Variants in STAP2 observed in about 807,000 individuals in gnomAD.
STAP2 encodes the protein signal-transducing adaptor protein 2.
Under a neutral mutation model 52.7 loss-of-function variants are expected in STAP2, and 58 were observed. The ratio of observed to expected loss-of-function variants is 1.10; its 90% confidence interval spans 0.89 to 1.37. The LOEUF is 1.37. Ranked by LOEUF, STAP2 falls within the 40% of genes most tolerant of loss-of-function variation. The pLI is 0.00. For missense variants in STAP2, 522 were observed against 519.4 expected (o/e 1.00, Z -0.05); for synonymous variants, 231 against 210.5 (o/e 1.10, Z -0.84).
In STAP2 at chr19:4,326,197, CAT is replaced by C. The variant is rs762101259; in HGVS notation, c.830-654_830-653del. Among the ~76,000 whole-genome samples the C allele has an allele frequency of 7.0e-4, 106 of 152,318 alleles. 1 individual carries two copies. Among genetic ancestry groups the C allele is most frequent in the Middle Eastern group, 3.4e-3 (1 of 294 alleles). On this transcript the variant is annotated intron_variant, in intron 9 of 12. Transcript: ENST00000594605. Reference sequence around the variant, plus strand: ...GGACGTATCTGCATTTATGTGTACACATGTGATTGTGGCATGACACAGGTGTA... The same window carrying C: ...GGACGTATCTGCATTTATGTGTACACGTGATTGTGGCATGACACAGGTGTA...
At chr19:4,332,783 T>C (rs1971914932) in intron 3 of STAP2, among the ~76,000 whole-genome samples, 1 of 152,020 alleles carries the variant, frequency 6.6e-6, no homozygotes, top group Non-Finnish European at 1.5e-5. Flanking sequence ...AGCTATGATC[T>C]CACTACTGCA....
rs963141858 is a variant in STAP2 at position 4,338,529 on chromosome 19, G to A, written c.102+123C>T. On this transcript the variant is annotated intron_variant, in intron 1 of 12. Transcript: ENST00000594605. ...AGAACCCACCCCAGTCCCCCAGCAC[G>A]TGTCCTGCCCCATCCAGCACCCACC... The A allele has an allele frequency of 2.5e-5, 22 of 877,474 alleles. No individual in the cohort carries two copies. The African/African-American group carries it at 2.7e-4, about 11-fold the overall frequency. 54.4% of individuals were successfully genotyped at this position (877,474 alleles called of 1,614,324 possible).
Position 4,333,760 on chromosome 19 carries a change from C to G in STAP2, c.231G>C (p.Trp77Cys), listed in dbSNP as rs368651139. 2 of 1,613,512 alleles carry G rather than the reference C, an allele frequency of 1.2e-6. No individual in the cohort carries two copies. Among genetic ancestry groups the G allele is most frequent in the African/African-American group, 1.3e-5 (1 of 74,916 alleles). Reference protein sequence around the residue: ...AFEKLTDEIPWGSSRDPGTHF... With the variant: ...AFEKLTDEIPCGSSRDPGTHF... The stretch of plus-strand genomic sequence containing the variant: ...GGGTGCCAGGGTCACGTGAGCTTCC[C>G]CAGGGAATCTCATCTGTGAGTTTCT... Residue 77 changes from tryptophan to cysteine, a missense_variant, in exon 3 of 13, where the codon TGG (tryptophan) becomes TGC (cysteine). By Grantham distance (215) the Trp-to-Cys change is radical (BLOSUM62 -2). Transcript: ENST00000594605.
chr19:4,328,432 TC>T (rs1971830550), intron 6 of STAP2, among the ~76,000 whole-genome samples: 1 of 54,484 alleles, frequency 1.8e-5, no homozygotes, highest in East Asian at 1.1e-3. Context: ...CTCTGACTCC[TC>T]CCCCAATCCG....
intron 6 of STAP2, among the ~76,000 whole-genome samples, chr19:4,327,670 C>T (rs1971817308): frequency 6.6e-6 from 1 of 152,104 alleles, no homozygotes; most frequent in Admixed American, 6.5e-5. Context: ...GGCACCACCT[C>T]CAGCGAGGGA....
chr19:4,329,135 T>A lies in STAP2; in HGVS notation c.456-326A>T, dbSNP rs578043262. 9.2e-5 allele frequency: 28 copies of A among 304,554 alleles called. No individual in the cohort carries two copies. In the South Asian group the frequency reaches 1.3e-3, roughly 14 times the overall value. 18.9% of individuals were successfully genotyped at this position (304,554 alleles called of 1,614,324 possible). The stretch of plus-strand genomic sequence containing the variant: ...CCTTCCTCACAGGCCCGGCTAATTT[T>A]TGTATTTTTAGTAGAGACGGGATTT... On this transcript the variant is annotated intron_variant, in intron 5 of 12. Transcript: ENST00000594605.
chr19:4,332,193 CTTCTTT>C, intron 3 of STAP2, 115 bp from the exon 4 acceptor site: 1 of 317,078 alleles, frequency 3.2e-6, no homozygotes, highest in South Asian at 5.4e-5. Flanking sequence ...TTTTCTTTTT[CTTCTTT>C]TTTTTTTTTT....
In STAP2 at chr19:4,324,067, G is replaced by C; in HGVS notation, c.*66C>G. 1 of 1,509,384 alleles carries C rather than the reference G, an allele frequency of 6.6e-7. No individual in the cohort carries two copies. The highest frequency in any genetic ancestry group is 9.0e-7 in the Non-Finnish European group (1 of 1,110,448). The allele number at this position is 1,509,384 out of a possible 1,614,324, so 93.5% of individuals were successfully genotyped here. ...GTCCTGGGGTCAGAGTTTTAATCCTGGGAAAAAGAATCTGGCCGCTGGGCC... is the reference window on the plus strand; with the variant it reads ...GTCCTGGGGTCAGAGTTTTAATCCTCGGAAAAAGAATCTGGCCGCTGGGCC... On this transcript the variant is annotated 3_prime_UTR_variant, in exon 13 of 13. Transcript: ENST00000594605.
At position 4,331,173 on chromosome 19, in the gene STAP2, T is replaced by A. The variant is rs548267038; in HGVS notation, c.354+849A>T. On this transcript the variant is annotated intron_variant, in intron 4 of 12. Transcript: ENST00000594605. ...AGTGAGACCCTGCTCTACAAAAAAA[T>A]TTTTAAATTAGTCAGATGTGGTAGT... is the stretch of plus-strand genomic sequence containing the variant. 1.1e-4 allele frequency among the ~76,000 whole-genome samples: 16 copies of A among 151,872 alleles called. No homozygotes were observed. In the East Asian group the frequency reaches 1.9e-3, roughly 18 times the overall value.
chr19:4,338,823 A>G lies in STAP2; in HGVS notation c.-70T>C. 1 of 1,553,766 alleles carries G rather than the reference A, an allele frequency of 6.4e-7. No homozygotes were observed. Among genetic ancestry groups the G allele is most frequent in the Non-Finnish European group, 8.7e-7 (1 of 1,144,868 alleles). On this transcript the variant is annotated 5_prime_UTR_variant, in exon 1 of 13. Transcript: ENST00000594605. The stretch of plus-strand genomic sequence containing the variant: ...CCCCAGCTGGGCCGGGAAGCTGAGA[A>G]ACAGGTTTCAGGGGAGTTTCCTGTG...
At chr19:4,334,570 TCATC>T (rs1299281746) in intron 1 of STAP2, among the ~76,000 whole-genome samples, 2 of 129,210 alleles carry the variant, frequency 1.5e-5, no homozygotes, top group Non-Finnish European at 3.3e-5. Context: ...ATCCAGTTAT[TCATC>T]CACCCACCCA....
chr19:4,333,166 G>A (rs563444011), intron 3 of STAP2, among the ~76,000 whole-genome samples: 1 of 151,800 alleles, frequency 6.6e-6, no homozygotes, highest in African/African-American at 2.4e-5. Flanking sequence ...CTCCAGCCTG[G>A]GTGATAAGAG....
intron 5 of STAP2, 29 bp from the exon 6 acceptor site, chr19:4,328,838 ACC>A: frequency 6.2e-7 from 1 of 1,601,392 alleles, no homozygotes; most frequent in Non-Finnish European, 8.5e-7. Context: ...CCCACTCGGG[ACC>A]CCGGAGACCA....
chr19:4,338,780 C>T lies in STAP2; in HGVS notation c.-27G>A, dbSNP rs759274479. The T allele has an allele frequency of 6.3e-7, 1 of 1,596,778 alleles. No individual in the cohort carries two copies. The highest frequency in any genetic ancestry group is 8.6e-7 in the Non-Finnish European group (1 of 1,169,104). On this transcript the variant is annotated 5_prime_UTR_variant, in exon 1 of 13. Coordinates refer to ENST00000594605, the MANE Select transcript of STAP2 (RefSeq NM_001013841.2). ...ACGGAGCCAGGGTCTTCCGCCTGGC[C>T]TCTCCTTCCAGTGGGTGCCCCAGCT...
chr19:4,324,386 G>T, intron 12 of STAP2, 69 bp downstream of exon 12: 2 of 1,423,218 alleles, frequency 1.4e-6, no homozygotes, highest in Non-Finnish European at 1.9e-6. Flanking sequence ...TCGGAGTGTG[G>T]GGACTTGTGT....
At chr19:4,324,642 G>A (rs997984780) in intron 11 of STAP2, 113 bp from the exon 12 acceptor site, 2 of 1,086,442 alleles carry the variant, frequency 1.8e-6, no homozygotes, top group African/African-American at 3.2e-5. Flanking sequence ...GACCAGCCTG[G>A]GCAACATGGT....
At chr19:4,330,118 T>C in intron 4 of STAP2, 57 bp from the exon 5 acceptor site, 2 of 1,416,350 alleles carry the variant, frequency 1.4e-6, no homozygotes, top group Non-Finnish European at 2.0e-6. Context: ...TGGACGGCTG[T>C]GCCCAAGTCA....
chr19:4,327,503 G>GC (rs1971814827), intron 6 of STAP2, 118 bp from the exon 7 acceptor site: 2 of 1,110,198 alleles, frequency 1.8e-6, no homozygotes, highest in Non-Finnish European at 2.6e-6. Flanking sequence ...TACTGGCTCC[G>GC]CCCCCACAGA....
intron 6 of STAP2, 86 bp from the exon 7 acceptor site, chr19:4,327,471 G>A (rs1971814210): frequency 2.1e-6 from 3 of 1,425,958 alleles, no homozygotes; most frequent in Non-Finnish European, 2.9e-6. Context: ...TCCAGGCTCC[G>A]CCTCCAATAG....
Sources: gnomAD v4.1 joint callset for allele counts (sites outside exome capture counted in the v4.1 genomes callset) on GRCh38, gnomAD v4.1.1 for gene constraint, MANE v1.5 for transcripts, NCBI Gene and HGNC (gene_info 2026-07-23, HGNC 2026-07-21) for gene names.